Variants in ANKRD30BL observed in about 807,000 individuals in gnomAD.
ANKRD30BL encodes putative ankyrin repeat domain-containing protein 30B-like.
Under a neutral mutation model 18.4 loss-of-function variants are expected in ANKRD30BL, and 20 were observed. That is an observed-to-expected ratio of 1.09 (90% CI 0.77 to 1.58). ANKRD30BL has a LOEUF of 1.58. Among genes scored for constraint, ANKRD30BL ranks in the 40% most tolerant of loss-of-function variants. The probability of loss-of-function intolerance (pLI) is 0.00; values close to 1 mark genes in which losing one functional copy is unlikely to be tolerated. For missense variants in ANKRD30BL, 224 were observed against 268.6 expected (o/e 0.83, Z 1.16); for synonymous variants, 72 against 100.9 (o/e 0.71, Z 1.72).
chr2:132,231,352 G>A (rs1161943954), intron 1 of ANKRD30BL, among the ~76,000 whole-genome samples: 1 of 152,192 alleles, frequency 6.6e-6, no homozygotes, highest in East Asian at 1.9e-4. Context: ...TGGCCGAATA[G>A]GAACAGCTCT....
In ANKRD30BL at chr2:132,252,058, C is replaced by A. The variant is rs537328182; in HGVS notation, n.441+5471G>T. Among the ~76,000 whole-genome samples the A allele has an allele frequency of 2.6e-3, 403 of 152,322 alleles. 4 individuals carry two copies. Among genetic ancestry groups the A allele is most frequent in the African/African-American group, 9.2e-3 (382 of 41,572 alleles). ...ATGCATCATTTCTGAGAAAACACTA[C>A]CTTTTCCAACTAGATATTGTGAATA... On this transcript the variant is annotated intron_variant and non_coding_transcript_variant, in intron 1 of 4. Transcript: ENST00000470729.
At chr2:132,195,544 A>T (rs1316101477) in intron 1 of ANKRD30BL, among the ~76,000 whole-genome samples, 1 of 151,862 alleles carries the variant, frequency 6.6e-6, no homozygotes, top group Non-Finnish European at 1.5e-5. Flanking sequence ...TAATCCCAGC[A>T]CCTTGGGAGG....
intron 1 of ANKRD30BL, among the ~76,000 whole-genome samples, chr2:132,181,327 G>A (rs140949946): frequency 9.3e-5 from 14 of 151,184 alleles, no homozygotes; most frequent in Non-Finnish European, 2.1e-4. Flanking sequence ...TACAAAAATT[G>A]GCTGGGCGTG....
At chr2:132,225,124 G>A (rs1573863551) in intron 1 of ANKRD30BL, among the ~76,000 whole-genome samples, 1 of 152,038 alleles carries the variant, frequency 6.6e-6, no homozygotes, top group Admixed American at 6.6e-5. Context: ...GGACCGCTTT[G>A]AGGCCTTCGT....
intron 1 of ANKRD30BL, among the ~76,000 whole-genome samples, chr2:132,204,106 C>T (rs1040891203): frequency 6.6e-6 from 1 of 152,136 alleles, no homozygotes; most frequent in African/African-American, 2.4e-5. Context: ...GCCTTTGTAT[C>T]AATATTTTAA....
upstream of ANKRD30BL, among the ~76,000 whole-genome samples, chr2:132,165,481 C>T (rs7598710): frequency 1.9e-3 from 283 of 151,138 alleles, no homozygotes; most frequent in African/African-American, 6.5e-3. Flanking sequence ...ATTGCCTGAG[C>T]TCAGGAGTTG....
intron 1 of ANKRD30BL, among the ~76,000 whole-genome samples, chr2:132,191,192 A>G (rs9630914): frequency 2.0e-5 from 3 of 152,194 alleles, no homozygotes; most frequent in East Asian, 3.9e-4. Context: ...TTTATAATAT[A>G]CCTACTGTTG....
At chr2:132,204,491 T>TA (rs1474065830) in intron 1 of ANKRD30BL, among the ~76,000 whole-genome samples, 42 of 145,706 alleles carry the variant, frequency 2.9e-4, no homozygotes, top group East Asian at 1.0e-3. Flanking sequence ...TATGTATATA[T>TA]GTATATATAG....
chr2:132,247,595 T>TA (rs1680539273), intron 1 of ANKRD30BL, among the ~76,000 whole-genome samples: 1 of 151,960 alleles, frequency 6.6e-6, no homozygotes, highest in Non-Finnish European at 1.5e-5. Context: ...GATATTTCTT[T>TA]ATCTCCATAG....
intron 1 of ANKRD30BL, among the ~76,000 whole-genome samples, chr2:132,200,511 G>T (rs199835320): frequency 6.6e-6 from 1 of 152,076 alleles, no homozygotes; most frequent in Admixed American, 6.6e-5. Flanking sequence ...CAAACAAACA[G>T]AGAGCCAAAT....
chr2:132,238,648 G>T (rs1680228095), intron 1 of ANKRD30BL, among the ~76,000 whole-genome samples: 1 of 152,038 alleles, frequency 6.6e-6, no homozygotes, highest in Non-Finnish European at 1.5e-5. Flanking sequence ...AGCATTCTCA[G>T]AAACATCTTT....
rs979519227 is a variant in ANKRD30BL, at chr2:132,255,925, A to AC, written n.441+1603dup. 6.2e-3 allele frequency among the ~76,000 whole-genome samples: 947 copies of AC among 151,578 alleles called. 2 individuals are homozygous for AC. The highest frequency in any genetic ancestry group is 0.01 in the Non-Finnish European group (697 of 67,868). On this transcript the variant is annotated intron_variant and non_coding_transcript_variant, in intron 1 of 4. Transcript: ENST00000470729. ...GAAGCACCAAAGCTGGCGGCACCCG[A>AC]CCCCCCGGCCGGGGACGGAGAGGGG...
At chr2:132,247,429 T>C (rs1457418028) in intron 1 of ANKRD30BL, among the ~76,000 whole-genome samples, 2 of 151,840 alleles carry the variant, frequency 1.3e-5, no homozygotes, top group Non-Finnish European at 3.0e-5. Flanking sequence ...AATTTCCTAT[T>C]TCAACAGAGG....
intron 1 of ANKRD30BL, among the ~76,000 whole-genome samples, chr2:132,205,363 C>A (rs1306783386): frequency 6.7e-6 from 1 of 149,192 alleles, no homozygotes; most frequent in Non-Finnish European, 1.5e-5. Flanking sequence ...ATAATCCCAG[C>A]ACTTTGGGAG....
intron 1 of ANKRD30BL, among the ~76,000 whole-genome samples, chr2:132,247,576 T>C (rs1034668005): frequency 4.6e-5 from 7 of 151,904 alleles, no homozygotes; most frequent in Non-Finnish European, 4.4e-5. Context: ...TGTCTAGTTT[T>C]TATGTGATGA....
At chr2:132,199,473 A>G (rs1033075827) in intron 1 of ANKRD30BL, among the ~76,000 whole-genome samples, 1 of 152,136 alleles carries the variant, frequency 6.6e-6, no homozygotes, top group African/African-American at 2.4e-5. Context: ...GAGCAAGTGT[A>G]AAATAAGTAA....
chr2:132,211,220 T>C (rs796277839), intron 1 of ANKRD30BL, among the ~76,000 whole-genome samples: 21 of 152,096 alleles, frequency 1.4e-4, no homozygotes, highest in African/African-American at 4.8e-4. Context: ...GAAAAGGAAA[T>C]ACCTTCACAT....
At chr2:132,149,633 A>C (rs1687703314) in intron 5 of ANKRD30BL, among the ~76,000 whole-genome samples, 1 of 152,144 alleles carries the variant, frequency 6.6e-6, no homozygotes, top group African/African-American at 2.4e-5. Flanking sequence ...AATTCTAAAG[A>C]TAGTTACTTT....
At chr2:132,226,939 C>G (rs1392811286) in intron 1 of ANKRD30BL, among the ~76,000 whole-genome samples, 3 of 150,418 alleles carry the variant, frequency 2.0e-5, no homozygotes, top group African/African-American at 4.9e-5. Flanking sequence ...AGAGTTAAAC[C>G]TTTGTTTTGA....
Sources: allele counts gnomAD v4.1 joint callset (sites outside exome capture counted in the v4.1 genomes callset), GRCh38; gene constraint gnomAD v4.1.1; transcripts MANE v1.5; gene names NCBI Gene and HGNC (gene_info 2026-07-23, HGNC 2026-07-21).